The following TSC1 variants were observed in gnomAD, a reference collection of about 807,000 sequenced individuals.
TSC1 encodes the protein hamartin.
TSC1 carries 20 observed loss-of-function variants against 124.3 expected under a neutral mutation model. That is an observed-to-expected ratio of 0.16 (90% CI 0.11 to 0.23). The LOEUF is 0.23. TSC1 is among the 10% of genes least tolerant of loss of function. TSC1 has a pLI of 1.00. For synonymous variants in TSC1, 493 were observed against 539.1 expected (o/e 0.91, Z 1.19); for missense variants, 1,124 against 1,448.5 (o/e 0.78, Z 3.64).
chr9:132,927,521 CT>C lies in TSC1; in HGVS notation c.107-218del, dbSNP rs57259325. ...AAACATATGAAGTCATTTTTATTGC[CT>C]TTTTTTTTTTTTTTTTTTTGAGATG... On this transcript the variant is annotated intron_variant, in intron 3 of 22. Coordinates refer to ENST00000298552, the MANE Select transcript of TSC1 (RefSeq NM_000368.5). Among the ~76,000 whole-genome samples the C allele has an allele frequency of 1.9e-3, 193 of 103,914 alleles. 1 individual carries two copies. Among genetic ancestry groups the C allele is most frequent in the Admixed American group, 4.0e-3 (34 of 8,454 alleles). The allele number at this position is 103,914 out of a possible 152,430, so 68.2% of individuals were successfully genotyped here. A position where few individuals can be genotyped will look rare whatever the true frequency, so the allele number is the denominator to read the frequency against.
At position 132,893,467 on chromosome 9, in the gene TSC1, T is replaced by C. The variant is rs1003187335; in HGVS notation, c.*2768A>G. 1 of 233,182 alleles carries C rather than the reference T, an allele frequency of 4.3e-6. No homozygotes were observed. The highest frequency in any genetic ancestry group is 2.2e-5 in the African/African-American group (1 of 45,348). 14.4% of individuals were successfully genotyped at this position (233,182 alleles called of 1,614,324 possible). On this transcript the variant is annotated 3_prime_UTR_variant, in exon 23 of 23. Transcript: ENST00000298552. Reference sequence around the variant, plus strand: ...CAAAGTTCTATCAGATGCAGATCTGTGTGTTTATTCACCTGCAGGGACTCC... The same window carrying C: ...CAAAGTTCTATCAGATGCAGATCTGCGTGTTTATTCACCTGCAGGGACTCC...
At chr9:132,944,623 T>TC (rs908334848), upstream of TSC1, 45 of 398,146 alleles carry the variant, frequency 1.1e-4, no homozygotes, top group Non-Finnish European at 1.7e-4. Flanking sequence ...GTACAGCACC[T>TC]CCCCCGTCGT....
intron 11 of TSC1, 23 bp downstream of exon 11, chr9:132,910,979 A>G: frequency 6.2e-7 from 1 of 1,607,822 alleles, no homozygotes. Flanking sequence ...CAACTAATCA[A>G]ATCCAACCTA....
At position 132,894,034 on chromosome 9, in the gene TSC1, C is replaced by T. The variant is rs1588281242; in HGVS notation, c.*2201G>A. 1 of 233,444 alleles carries T rather than the reference C, an allele frequency of 4.3e-6. No individual in the cohort carries two copies. The highest frequency in any genetic ancestry group is 8.5e-6 in the Non-Finnish European group (1 of 118,016). The allele number at this position is 233,444 out of a possible 1,614,324, so 14.5% of individuals were successfully genotyped here. ...CCCAACCGTAGTTGAATAAAACCCA[C>T]AGCCTCCTAGAACTCAAAGGCACCT... On this transcript the variant is annotated 3_prime_UTR_variant, in exon 23 of 23. Transcript: ENST00000298552.
rs547272593 is a variant in TSC1, at chr9:132,921,526, A to C, written c.664-90T>G. ...TATTAGTTGACAATTAAAAGGAATG[A>C]AGTACTGATACATGTTATAACACAG... is the stretch of plus-strand genomic sequence containing the variant. On this transcript the variant is annotated intron_variant, in intron 7 of 22. Coordinates refer to ENST00000298552, the MANE Select transcript of TSC1 (RefSeq NM_000368.5). This position sits in a 1 kb window ranked among gnomAD's most constrained non-coding sequence, Gnocchi z 4.3. 7 of 1,424,418 alleles carry C rather than the reference A, an allele frequency of 4.9e-6. No individual in the cohort carries two copies. The East Asian group carries it at 6.9e-5, about 14-fold the overall frequency. 88.2% of individuals were successfully genotyped at this position (1,424,418 alleles called of 1,614,324 possible). A position where few individuals can be genotyped will look rare whatever the true frequency, so the allele number is the denominator to read the frequency against.
chr9:132,933,407 A>G (rs1425124707), intron 2 of TSC1, among the ~76,000 whole-genome samples: 2 of 151,984 alleles, frequency 1.3e-5, no homozygotes, highest in Non-Finnish European at 2.9e-5. Context: ...AAACAAGAGT[A>G]CCCCATGAAA....
chr9:132,910,492 T>C lies in TSC1; in HGVS notation c.1263+79A>G, dbSNP rs1180837375. On this transcript the variant is annotated intron_variant, in intron 12 of 22. Coordinates refer to ENST00000298552, the MANE Select transcript of TSC1 (RefSeq NM_000368.5). ...TTTTAGGTCAGAATTCTATCTGGCA[T>C]AATTAGGCTTCTCAAAGTGAGGCTT... 3.7e-6 allele frequency: 6 copies of C among 1,610,652 alleles called. 1 individual carries two copies. The South Asian group carries it at 6.6e-5, about 18-fold the overall frequency.
intron 8 of TSC1, 109 bp from the exon 9 acceptor site, chr9:132,912,566 C>G: frequency 7.8e-7 from 1 of 1,280,890 alleles, no homozygotes; most frequent in African/African-American, 1.5e-5. Context: ...AAAGAACAAG[C>G]GGGACCATGC....
At position 132,905,870 on chromosome 9, in the gene TSC1, T is replaced by C. The variant is rs2131830361; in HGVS notation, c.1708A>G (p.Arg570Gly). The change falls in exon 15 of 23, where the codon AGG becomes GGG. Residue 570 changes from arginine (R) to glycine (G), a missense_variant. Around this residue, in one of 5 missense-constraint regions of TSC1, gnomAD observed 321 missense variants for 397.4 expected, o/e 0.81. Transcript: ENST00000298552. ...GTCTCCAAAGAAGTCTGGCATTCCC[T>C]GTCTCCCGCAGGGCTTTCATCAGCA... is the stretch of plus-strand genomic sequence containing the variant. Reference protein sequence around the residue: ...GSADESPAGDRECQTSLETSI... With the variant: ...GSADESPAGDGECQTSLETSI... The C allele has an allele frequency of 6.2e-7, 1 of 1,612,592 alleles. No individual in the cohort carries two copies. The highest frequency in any genetic ancestry group is 8.5e-7 in the Non-Finnish European group (1 of 1,178,760).
At chr9:132,936,100 A>C (rs1847444354) in intron 1 of TSC1, among the ~76,000 whole-genome samples, 1 of 152,140 alleles carries the variant, frequency 6.6e-6, no homozygotes, top group Non-Finnish European at 1.5e-5. Context: ...CTAGAAGTTA[A>C]AATCTTTTCT....
chr9:132,920,788 T>C (rs992826297), intron 8 of TSC1, among the ~76,000 whole-genome samples: 1 of 152,020 alleles, frequency 6.6e-6, no homozygotes, highest in African/African-American at 2.4e-5. Flanking sequence ...AAATTTCCTT[T>C]ATCTCCCTCG....
intron 2 of TSC1, among the ~76,000 whole-genome samples, chr9:132,930,471 C>G (rs1009823454): frequency 6.6e-6 from 1 of 151,508 alleles, no homozygotes; most frequent in African/African-American, 2.4e-5. Flanking sequence ...GCCTGTAGTC[C>G]CACCTACTCA....
rs2131703646 is a variant in TSC1 at position 132,901,607 on chromosome 9, G to A, written c.2484C>T (p.Leu828=). 1.2e-6 allele frequency: 2 copies of A among 1,614,064 alleles called. No homozygotes were observed. Among genetic ancestry groups the A allele is most frequent in the Non-Finnish European group, 1.7e-6 (2 of 1,180,006 alleles). The change falls in exon 19 of 23, where the codon CTC becomes CTT. Residue 828 remains leucine, a synonymous_variant. Transcript: ENST00000298552. ...TTCTTACCTTTTGGGAAACCTGACT[G>A]AGCAGCAGCTCAGTGTGACACACCT... is the stretch of plus-strand genomic sequence containing the variant. ...NNKVCHTELL[L]SQVSQKLSNS...
Position 132,896,087 on chromosome 9 carries a change from T to G in TSC1, c.*148A>C. The stretch of plus-strand genomic sequence containing the variant: ...TGCCAGATCCAAAAACCGTTCTGCA[T>G]TCAGTCAGCTGTCCAAAGGACCTCC... On this transcript the variant is annotated 3_prime_UTR_variant, in exon 23 of 23. Coordinates refer to ENST00000298552, the MANE Select transcript of TSC1 (RefSeq NM_000368.5). This position sits in a 1 kb window ranked among gnomAD's most constrained non-coding sequence, Gnocchi z 4.5. 8.2e-7 allele frequency: 1 copy of G among 1,212,570 alleles called. No individual in the cohort carries two copies. The highest frequency in any genetic ancestry group is 1.2e-6 in the Non-Finnish European group (1 of 836,810). 75.1% of individuals were successfully genotyped at this position (1,212,570 alleles called of 1,614,324 possible). A position where few individuals can be genotyped will look rare whatever the true frequency, so the allele number is the denominator to read the frequency against.
In TSC1 at chr9:132,921,642, T is replaced by C. The variant is rs1295338033; in HGVS notation, c.663+177A>G. 1.3e-5 allele frequency among the ~76,000 whole-genome samples: 2 copies of C among 152,228 alleles called. No individual in the cohort carries two copies. The highest frequency in any genetic ancestry group is 2.9e-5 in the Non-Finnish European group (2 of 68,036). Reference sequence around the variant, plus strand: ...TCCCATTTATACAAAATGTCCAGAATAGGCAAATCTATTAAGACAGAAAAC... The same window carrying C: ...TCCCATTTATACAAAATGTCCAGAACAGGCAAATCTATTAAGACAGAAAAC... On this transcript the variant is annotated intron_variant, in intron 7 of 22. Coordinates refer to ENST00000298552, the MANE Select transcript of TSC1 (RefSeq NM_000368.5). This position sits in a 1 kb window ranked among gnomAD's most constrained non-coding sequence, Gnocchi z 4.3.
Position 132,923,519 on chromosome 9 carries a change from A to G in TSC1, c.364-27T>C. On this transcript the variant is annotated intron_variant, in intron 5 of 22. Transcript: ENST00000298552. The surrounding 1 kb of genome is among the most constrained non-coding windows in gnomAD (Gnocchi z 4.2). ...TGCAGGAGAAAAGGTCAAACAGGAAACGTCTGTCAGGCACTGGCACCAGGA... is the reference window on the plus strand; with the variant it reads ...TGCAGGAGAAAAGGTCAAACAGGAAGCGTCTGTCAGGCACTGGCACCAGGA... The G allele has an allele frequency of 6.2e-7, 1 of 1,613,948 alleles. No homozygotes were observed. The highest frequency in any genetic ancestry group is 8.5e-7 in the Non-Finnish European group (1 of 1,179,870).
Position 132,921,531 on chromosome 9 carries a change from C to T in TSC1, c.664-95G>A. The T allele has an allele frequency of 7.1e-7, 1 of 1,406,932 alleles. No individual in the cohort carries two copies. Among genetic ancestry groups the T allele is most frequent in the South Asian group, 1.2e-5 (1 of 85,066 alleles). The allele number at this position is 1,406,932 out of a possible 1,614,324, so 87.2% of individuals were successfully genotyped here. ...GTTGACAATTAAAAGGAATGAAGTA[C>T]TGATACATGTTATAACACAGATGGA... On this transcript the variant is annotated intron_variant, in intron 7 of 22. Coordinates refer to ENST00000298552, the MANE Select transcript of TSC1 (RefSeq NM_000368.5). The surrounding 1 kb of genome is among the most constrained non-coding windows in gnomAD (Gnocchi z 4.3).
At position 132,895,967 on chromosome 9, in the gene TSC1, T is replaced by G. The variant is rs1845011153; in HGVS notation, c.*268A>C. The G allele has an allele frequency of 5.6e-6, 3 of 532,432 alleles. No individual in the cohort carries two copies. The East Asian group carries it at 9.7e-5, about 17-fold the overall frequency. The allele number at this position is 532,432 out of a possible 1,614,324, so 33.0% of individuals were successfully genotyped here. On this transcript the variant is annotated 3_prime_UTR_variant, in exon 23 of 23. Coordinates refer to ENST00000298552, the MANE Select transcript of TSC1 (RefSeq NM_000368.5). ...GGGGAAAGGAAGAAAGTAAAGCTACTGAGGAACACCAACTGGCCCTTGGAT... is the reference window on the plus strand; with the variant it reads ...GGGGAAAGGAAGAAAGTAAAGCTACGGAGGAACACCAACTGGCCCTTGGAT...
chr9:132,929,399 G>A (rs746771279), intron 2 of TSC1, among the ~76,000 whole-genome samples: 1 of 152,178 alleles, frequency 6.6e-6, no homozygotes, highest in Non-Finnish European at 1.5e-5. Context: ...AGTATAGCTG[G>A]TTAGGTCACA....
Sources: allele counts gnomAD v4.1 joint callset (sites outside exome capture counted in the v4.1 genomes callset), GRCh38; gene constraint gnomAD v4.1.1; regional missense constraint gnomAD v4.1.1; non-coding constraint Gnocchi (gnomAD v3.1); transcripts MANE v1.5; gene names NCBI Gene and HGNC (gene_info 2026-07-23, HGNC 2026-07-21).